The following RNF125 variants were observed in gnomAD, a reference collection of about 807,000 sequenced individuals.
RNF125 encodes ring finger protein 125, also known as E3 ubiquitin-protein ligase RNF125.
RNF125 carries 21 observed loss-of-function variants against 26.0 expected under a neutral mutation model. The ratio of observed to expected loss-of-function variants is 0.81; its 90% CI spans 0.57 to 1.16. The LOEUF (loss-of-function observed/expected upper bound fraction) is 1.16. RNF125 is among the 50% of genes most tolerant of loss of function. The probability of loss-of-function intolerance (pLI) is 0.00; values close to 1 mark genes in which losing one functional copy is unlikely to be tolerated. For missense variants in RNF125, 270 were observed against 299.4 expected, an observed-to-expected ratio of 0.90 and a Z score of 0.72; for synonymous variants, 95 against 109.2, an observed-to-expected ratio of 0.87 and a Z score of 0.81.
intron 4 of RNF125, among the ~76,000 whole-genome samples, chr18:32,048,497 A>G (rs1484342173): frequency 6.6e-6 from 1 of 151,876 alleles, no homozygotes; most frequent in African/African-American, 2.4e-5. Flanking sequence ...CAGCAATCCT[A>G]TGAGATAGGC....
intron 4 of RNF125, among the ~76,000 whole-genome samples, chr18:32,057,926 A>G (rs1045818377): frequency 3.9e-5 from 6 of 152,062 alleles, no homozygotes; most frequent in African/African-American, 1.4e-4. Context: ...GATGGTGACA[A>G]TGCTGCTGGT....
chr18:32,039,239 C>A (rs545077281), intron 2 of RNF125, among the ~76,000 whole-genome samples: 3 of 151,618 alleles, frequency 2.0e-5, no homozygotes, highest in South Asian at 2.1e-4. Context: ...TACTAAAAAT[C>A]AAAAAAATTA....
At chr18:32,040,269 C>CTTTTTTT (rs1185186501) in intron 2 of RNF125, among the ~76,000 whole-genome samples, 11 of 104,486 alleles carry the variant, frequency 1.1e-4, no homozygotes, top group African/African-American at 3.0e-4. Context: ...CAATTTCTTT[C>CTTTTTTT]TTTTTTTTTT....
chr18:32,065,970 T>A lies in RNF125; in HGVS notation c.573T>A (p.His191Gln). 1.5e-5 allele frequency: 24 copies of A among 1,612,798 alleles called. No homozygotes were observed. Among genetic ancestry groups the A allele is most frequent in the Non-Finnish European group, 2.0e-5 (24 of 1,178,766 alleles). The stretch of plus-strand genomic sequence containing the variant: ...GCTTCAGTGGCAGTTTAATAAGACA[T>A]CTGCAAGTTAGTCACACTTTGTTTT... ...PSSFSGSLIR[H>Q]LQVSHTLFYD... Residue 191 changes from histidine (H) to glutamine (Q), a missense_variant, in exon 5 of 6, where the codon CAT becomes CAA. Physicochemically the swap from His to Gln is conservative, Grantham distance 24 (BLOSUM62 0). Transcript: ENST00000217740.
chr18:32,059,512 C>A (rs1448772344), intron 4 of RNF125, among the ~76,000 whole-genome samples: 5 of 152,070 alleles, frequency 3.3e-5, no homozygotes, highest in Admixed American at 3.3e-4. Flanking sequence ...CTTATATATT[C>A]TGGTTATTAA....
chr18:32,057,350 C>G (rs1294157084), intron 4 of RNF125, among the ~76,000 whole-genome samples: 1 of 111,832 alleles, frequency 8.9e-6, no homozygotes. Context: ...TTTTTTTTTT[C>G]TGAGACGGAG....
At chr18:32,053,468 G>A (rs975215432) in intron 4 of RNF125, among the ~76,000 whole-genome samples, 2 of 151,978 alleles carry the variant, frequency 1.3e-5, no homozygotes, top group African/African-American at 4.8e-5. Flanking sequence ...TACAAAAATG[G>A]GGGAAAACTG....
chr18:32,027,194 C>T (rs1391909372), intron 1 of RNF125, among the ~76,000 whole-genome samples: 1 of 150,864 alleles, frequency 6.6e-6, no homozygotes. Flanking sequence ...GGTGAAAGTG[C>T]AGAATCCTTA....
At chr18:32,044,870 C>T (rs2144482667) in intron 3 of RNF125, among the ~76,000 whole-genome samples, 1 of 152,026 alleles carries the variant, frequency 6.6e-6, no homozygotes, top group African/African-American at 2.4e-5. Flanking sequence ...CCCGAAATCT[C>T]AGCACTTTGG....
In RNF125 at chr18:32,069,348, C is replaced by A. The variant is rs2039513861; in HGVS notation, c.*964C>A. ...TTCAATATTTTTCAAATATTTATAG[C>A]TTATTTAGAAATATTTCTATAATAT... is the stretch of plus-strand genomic sequence containing the variant. On this transcript the variant is annotated 3_prime_UTR_variant, in exon 6 of 6. Coordinates refer to ENST00000217740, the MANE Select transcript of RNF125 (RefSeq NM_017831.4). 6.6e-6 allele frequency: 1 copy of A among 151,942 alleles called. No homozygotes were observed. 9.4% of individuals were successfully genotyped at this position (151,942 alleles called of 1,614,324 possible). A position where few individuals can be genotyped will look rare whatever the true frequency, so the allele number is the denominator to read the frequency against.
chr18:32,047,676 T>C (rs540414770), intron 4 of RNF125, among the ~76,000 whole-genome samples: 10 of 152,346 alleles, frequency 6.6e-5, no homozygotes, highest in African/African-American at 2.4e-4. Flanking sequence ...TATACACAAA[T>C]GTGTGTGTGT....
intron 4 of RNF125, among the ~76,000 whole-genome samples, chr18:32,054,308 G>T (rs1204168698): frequency 2.0e-5 from 3 of 151,960 alleles, no homozygotes; most frequent in African/African-American, 7.2e-5. Context: ...GACCAAGTTG[G>T]TCTTGAACTC....
intron 1 of RNF125, among the ~76,000 whole-genome samples, chr18:32,025,513 A>G (rs1296903535): frequency 2.0e-5 from 3 of 151,958 alleles, no homozygotes; most frequent in African/African-American, 7.3e-5. Context: ...AAATACAAGA[A>G]AATTAGCCAG....
chr18:32,089,417 C>T, the RNF125 span, among the ~76,000 whole-genome samples: 2 of 152,192 alleles, frequency 1.3e-5, no homozygotes, highest in Admixed American at 1.3e-4. Flanking sequence ...TTAACCCAAA[C>T]TTAAAGGAAC....
At chr18:32,048,784 C>G (rs952175791) in intron 4 of RNF125, among the ~76,000 whole-genome samples, 1 of 152,172 alleles carries the variant, frequency 6.6e-6, no homozygotes, top group Non-Finnish European at 1.5e-5. Context: ...TGGTCACGGG[C>G]TTTTCCTGCT....
intron 4 of RNF125, among the ~76,000 whole-genome samples, chr18:32,058,901 A>T (rs1276762823): frequency 6.6e-6 from 1 of 152,138 alleles, no homozygotes; most frequent in Non-Finnish European, 1.5e-5. Context: ...TGCTAGGCTT[A>T]TTTCACTTAA....
intron 1 of RNF125, among the ~76,000 whole-genome samples, chr18:32,030,100 A>G (rs8083910): frequency 0.093 from 14,111 of 152,264 alleles, 670 homozygotes; most frequent in Non-Finnish European, 0.11. Flanking sequence ...GCTGGAGTGC[A>G]GTGATGCGAT....
At chr18:32,059,404 G>A (rs764715340) in intron 4 of RNF125, among the ~76,000 whole-genome samples, 3 of 152,070 alleles carry the variant, frequency 2.0e-5, no homozygotes, top group Non-Finnish European at 4.4e-5. Flanking sequence ...ATGCCTATTT[G>A]CCATTTATAT....
At chr18:32,024,488 A>T (rs1356852509) in intron 1 of RNF125, among the ~76,000 whole-genome samples, 1 of 151,630 alleles carries the variant, frequency 6.6e-6, no homozygotes, top group Non-Finnish European at 1.5e-5. Context: ...TCTAAGAACA[A>T]ACTACTCAGT....
Sources: gnomAD v4.1 joint callset for allele counts (sites outside exome capture counted in the v4.1 genomes callset) on GRCh38, gnomAD v4.1.1 for gene constraint, MANE v1.5 for transcripts, NCBI Gene and HGNC (gene_info 2026-07-23, HGNC 2026-07-21) for gene names.